The following CDIN1 variants were observed in gnomAD, a reference collection of about 807,000 sequenced individuals.
The protein encoded by CDIN1 is CDAN1 interacting nuclease 1.
Under a neutral mutation model 45.3 loss-of-function variants are expected in CDIN1, and 33 were observed. That is an observed-to-expected ratio of 0.73 (90% CI 0.55 to 0.97). The LOEUF is 0.97. Among genes scored for constraint, CDIN1 ranks in the 50% least tolerant of loss-of-function variants. The pLI, the probability that CDIN1 is intolerant of heterozygous loss-of-function variation, is 0.00. For missense variants in CDIN1, 303 were observed against 339.4 expected (o/e 0.89, Z 0.84); for synonymous variants, 118 against 124.4 (o/e 0.95, Z 0.34).
chr15:36,645,335 G>T, intron 3 of CDIN1, 48 bp downstream of exon 3: 1 of 1,338,930 alleles, frequency 7.5e-7, no homozygotes. Context: ...CCTATTAATT[G>T]TAATAATAAT....
chr15:36,781,262 C>T (rs1258496673), intron 10 of CDIN1, among the ~76,000 whole-genome samples: 4 of 152,140 alleles, frequency 2.6e-5, no homozygotes, highest in African/African-American at 9.7e-5. Flanking sequence ...AAAAAAATCA[C>T]ATTCTAGTAC....
chr15:36,794,556 T>G (rs1399805342), intron 10 of CDIN1, among the ~76,000 whole-genome samples: 1 of 152,222 alleles, frequency 6.6e-6, no homozygotes, highest in Admixed American at 6.5e-5. Flanking sequence ...ATTTGTCCGT[T>G]TATGACTGGC....
intron 1 of CDIN1, chr15:36,594,806 C>A: frequency 1.4e-6 from 1 of 709,998 alleles, no homozygotes; most frequent in Non-Finnish European, 1.7e-6. Flanking sequence ...AAATGGGAGT[C>A]CGGCACTTAA....
chr15:36,587,263 T>C (rs527951193), intron 1 of CDIN1, among the ~76,000 whole-genome samples: 65 of 152,322 alleles, frequency 4.3e-4, no homozygotes, highest in African/African-American at 1.5e-3. Flanking sequence ...GATTATGACA[T>C]AGGCAACCAT....
At chr15:36,660,160 C>T (rs551495226) in intron 5 of CDIN1, among the ~76,000 whole-genome samples, 32 of 151,996 alleles carry the variant, frequency 2.1e-4, no homozygotes, top group South Asian at 4.2e-4. Context: ...TGAAACAATG[C>T]GGGGATAATT....
intron 10 of CDIN1, among the ~76,000 whole-genome samples, chr15:36,736,459 T>C (rs1044171312): frequency 3.3e-5 from 5 of 152,324 alleles, no homozygotes; most frequent in Non-Finnish European, 7.3e-5. Context: ...CCCATGTTTG[T>C]TTCAAAGCCA....
chr15:36,580,032 C>T (rs2036969925), intron 1 of CDIN1, 71 bp downstream of exon 1: 1 of 1,348,340 alleles, frequency 7.4e-7, no homozygotes, highest in Non-Finnish European at 1.0e-6. Flanking sequence ...CCAGGCAGCG[C>T]TTAGGAACCA....
At chr15:36,714,612 G>A (rs1449066330) in intron 10 of CDIN1, among the ~76,000 whole-genome samples, 2 of 152,126 alleles carry the variant, frequency 1.3e-5, no homozygotes, top group Admixed American at 6.6e-5. Context: ...CAGGCTCCGT[G>A]TGTCAGTGCA....
At chr15:36,743,569 T>C (rs967403399) in intron 10 of CDIN1, among the ~76,000 whole-genome samples, 4 of 152,102 alleles carry the variant, frequency 2.6e-5, no homozygotes, top group African/African-American at 9.7e-5. Flanking sequence ...GTATTATATA[T>C]ACCCTCAGTG....
intron 1 of CDIN1, among the ~76,000 whole-genome samples, chr15:36,602,453 G>T (rs1465749195): frequency 6.6e-6 from 1 of 152,096 alleles, no homozygotes; most frequent in Non-Finnish European, 1.5e-5. Context: ...GAGACAAAAG[G>T]CATTATTAAG....
intron 1 of CDIN1, chr15:36,618,402 G>A (rs563599294): frequency 2.7e-4 from 191 of 720,420 alleles, no homozygotes; most frequent in South Asian, 2.3e-3. Flanking sequence ...ACAAAATGGG[G>A]ACTATGGTAG....
At chr15:36,651,506 A>G in intron 3 of CDIN1, among the ~76,000 whole-genome samples, 1 of 152,228 alleles carries the variant, frequency 6.6e-6, no homozygotes, top group East Asian at 1.9e-4. Flanking sequence ...GTGGGGGATA[A>G]TTAAAGTTTC....
intron 8 of CDIN1, among the ~76,000 whole-genome samples, chr15:36,701,145 GAT>G (rs1361625016): frequency 9.2e-5 from 14 of 151,646 alleles, no homozygotes; most frequent in Non-Finnish European, 1.8e-4. Context: ...TAGATAGATA[GAT>G]AGATAGATAG....
At chr15:36,721,464 G>C (rs974184554) in intron 10 of CDIN1, among the ~76,000 whole-genome samples, 3 of 151,960 alleles carry the variant, frequency 2.0e-5, no homozygotes, top group Non-Finnish European at 2.9e-5. Flanking sequence ...GTTTTGTTTT[G>C]AAATATTTGA....
At chr15:36,617,314 T>G in intron 1 of CDIN1, 1 of 1,357,864 alleles carries the variant, frequency 7.4e-7, no homozygotes. Flanking sequence ...TTCTTTGTCT[T>G]GTGAAACCAC....
At chr15:36,592,383 C>G (rs1191385346) in intron 1 of CDIN1, among the ~76,000 whole-genome samples, 2 of 152,216 alleles carry the variant, frequency 1.3e-5, no homozygotes, top group South Asian at 2.1e-4. Context: ...TTCTCCAGCC[C>G]TACCACCCCT....
At chr15:36,723,459 G>A (rs2043508488) in intron 10 of CDIN1, among the ~76,000 whole-genome samples, 1 of 152,192 alleles carries the variant, frequency 6.6e-6, no homozygotes, top group East Asian at 1.9e-4. Flanking sequence ...CTAATGGCAG[G>A]TATATAAAGC....
intron 10 of CDIN1, among the ~76,000 whole-genome samples, chr15:36,772,765 T>C (rs144221697): frequency 1.9e-4 from 29 of 152,086 alleles, no homozygotes; most frequent in African/African-American, 6.8e-4. Context: ...GGGAGCACCA[T>C]GCTCTGATAG....
chr15:36,650,621 T>G (rs1299064386), intron 3 of CDIN1, among the ~76,000 whole-genome samples: 1 of 151,838 alleles, frequency 6.6e-6, no homozygotes. Context: ...TTTTGTGCTT[T>G]TAGTAGAGAC....
Sources: gnomAD v4.1 joint callset for allele counts (sites outside exome capture counted in the v4.1 genomes callset) on GRCh38, gnomAD v4.1.1 for gene constraint, MANE v1.5 for transcripts, NCBI Gene and HGNC (gene_info 2026-07-23, HGNC 2026-07-21) for gene names.